Variants in BMPR2 observed in about 807,000 individuals in gnomAD.
BMPR2 encodes the protein bone morphogenetic protein receptor type-2.
BMPR2 carries 29 observed loss-of-function variants against 100.8 expected under a neutral mutation model. That is an observed-to-expected ratio of 0.29 (90% CI 0.21 to 0.39). BMPR2 has a LOEUF of 0.39. Ranked by LOEUF, BMPR2 falls within the 10% of genes least tolerant of loss-of-function variation. The pLI is 1.00. For synonymous variants in BMPR2, 382 were observed against 442.3 expected (o/e 0.86, Z 1.71); for missense variants, 1,011 against 1,274.5 (o/e 0.79, Z 3.15).
intron 3 of BMPR2, among the ~76,000 whole-genome samples, chr2:202,468,638 G>C (rs969407675): frequency 1.3e-5 from 2 of 152,200 alleles, no homozygotes; most frequent in Non-Finnish European, 2.9e-5. Flanking sequence ...GTTTACTGCA[G>C]TGTTATTTGT....
intron 3 of BMPR2, among the ~76,000 whole-genome samples, chr2:202,486,491 G>C (rs1692780026): frequency 6.6e-6 from 1 of 152,038 alleles, no homozygotes; most frequent in Non-Finnish European, 1.5e-5. Flanking sequence ...AACTTAGCCT[G>C]CCTGGTGGTG....
At chr2:202,550,832 A>C (rs2106039986) in intron 10 of BMPR2, among the ~76,000 whole-genome samples, 1 of 152,086 alleles carries the variant, frequency 6.6e-6, no homozygotes. Context: ...GGAGTTACAA[A>C]CCAAAAATAT....
chr2:202,489,347 T>C (rs1692850012), intron 3 of BMPR2, among the ~76,000 whole-genome samples: 1 of 152,104 alleles, frequency 6.6e-6, no homozygotes, highest in Non-Finnish European at 1.5e-5. Flanking sequence ...TTTCAGATTT[T>C]AAAGTAAATG....
chr2:202,487,379 A>G (rs1453736135), intron 3 of BMPR2, among the ~76,000 whole-genome samples: 1 of 152,218 alleles, frequency 6.6e-6, no homozygotes, highest in Admixed American at 6.5e-5. Flanking sequence ...ATCAGAGTTA[A>G]TACTAACAAG....
chr2:202,520,119 A>C lies in BMPR2; in HGVS notation c.885A>C (p.Thr295=). ...TATGCAAGTATTTAAGTCTCCACAC[A>C]AGTGACTGGGTAAGCTCTTGCCGTC... The part of the protein sequence containing the change: ...GSLCKYLSLH[T]SDWVSSCRLA... Residue 295 remains threonine, a synonymous_variant, in exon 7 of 13, where the codon ACA becomes ACC. Transcript: ENST00000374580. 1 of 1,613,452 alleles carries C rather than the reference A, an allele frequency of 6.2e-7. No homozygotes were observed. Among genetic ancestry groups the C allele is most frequent in the Non-Finnish European group, 8.5e-7 (1 of 1,179,900 alleles).
At chr2:202,393,632 A>C (rs1690595551) in intron 1 of BMPR2, among the ~76,000 whole-genome samples, 1 of 152,120 alleles carries the variant, frequency 6.6e-6, no homozygotes. Context: ...CCTTGAGGGT[A>C]CTACTTGAAG....
In BMPR2 at chr2:202,542,461, A is replaced by T; in HGVS notation, c.1413+14A>T. 6.2e-7 allele frequency: 1 copy of T among 1,613,322 alleles called. No homozygotes were observed. On this transcript the variant is annotated intron_variant, in intron 10 of 12. Transcript: ENST00000374580. ...GAAAATAGCCTGGTAAGAAAAAACT[A>T]AGTTATTAAAGAGAGGACTTATGAC...
At chr2:202,467,084 A>C in intron 2 of BMPR2, 1 of 244,042 alleles carries the variant, frequency 4.1e-6, no homozygotes. Context: ...AACATGGAGA[A>C]ACCCCATCTC....
intron 1 of BMPR2, among the ~76,000 whole-genome samples, chr2:202,378,070 T>C (rs1268748667): frequency 6.6e-6 from 1 of 152,198 alleles, no homozygotes; most frequent in Non-Finnish European, 1.5e-5. Flanking sequence ...ATGAATAGAA[T>C]AAATGTTGAG....
chr2:202,428,672 G>T (rs2105929533), intron 1 of BMPR2, among the ~76,000 whole-genome samples: 1 of 152,222 alleles, frequency 6.6e-6, no homozygotes, highest in Non-Finnish European at 1.5e-5. Context: ...CTCCCAAAGT[G>T]TTGGGATTCC....
chr2:202,491,526 C>A (rs1026894154), intron 3 of BMPR2, among the ~76,000 whole-genome samples: 3 of 151,980 alleles, frequency 2.0e-5, no homozygotes, highest in African/African-American at 7.3e-5. Flanking sequence ...CGGGTTCAAG[C>A]AATTCTCTTG....
At chr2:202,467,783 G>A (rs1418797840) in intron 3 of BMPR2, 94 bp downstream of exon 3, 4 of 1,317,556 alleles carry the variant, frequency 3.0e-6, no homozygotes, top group Non-Finnish European at 4.3e-6. Flanking sequence ...TTGAAGCCAG[G>A]CGTGATGGCT....
chr2:202,472,611 A>G (rs2105966361), intron 3 of BMPR2, among the ~76,000 whole-genome samples: 1 of 152,364 alleles, frequency 6.6e-6, no homozygotes, highest in African/African-American at 2.4e-5. Context: ...GTGAGCCGAG[A>G]TTGCACCACT....
At position 202,503,990 on chromosome 2, in the gene BMPR2, C is replaced by G. The variant is rs2105993676; in HGVS notation, c.419-9729C>G. Among the ~76,000 whole-genome samples the G allele has an allele frequency of 6.6e-6, 1 of 152,276 alleles. No homozygotes were observed. Among genetic ancestry groups the G allele is most frequent in the East Asian group, 1.9e-4 (1 of 5,170 alleles). On this transcript the variant is annotated intron_variant, in intron 3 of 12. Transcript: ENST00000374580. The surrounding 1 kb of genome is among the most constrained non-coding windows in gnomAD (Gnocchi z 4.0). ...GAATGCACCAGTAGACACTCTGTAT[C>G]TAGCTACTCTGGTGGGGCCTTATAG...
intron 3 of BMPR2, among the ~76,000 whole-genome samples, chr2:202,492,647 C>T (rs889387559): frequency 7.2e-5 from 9 of 125,256 alleles, no homozygotes; most frequent in Admixed American, 6.3e-4. Context: ...TTGCAGTAAA[C>T]AGAGATCCCG....
intron 1 of BMPR2, among the ~76,000 whole-genome samples, chr2:202,396,481 G>A (rs1328120372): frequency 1.3e-5 from 2 of 152,136 alleles, no homozygotes; most frequent in Non-Finnish European, 2.9e-5. Flanking sequence ...GTTTAGGGTT[G>A]CATTTACCAG....
At chr2:202,449,906 G>A (rs1225559858) in intron 1 of BMPR2, among the ~76,000 whole-genome samples, 3 of 152,004 alleles carry the variant, frequency 2.0e-5, no homozygotes, top group African/African-American at 7.3e-5. Context: ...AGGAGTTCGA[G>A]ACCAGTCTGG....
Position 202,407,461 on chromosome 2 carries a change from C to T in BMPR2, c.76+29911C>T, listed in dbSNP as rs761096499. Among the ~76,000 whole-genome samples the T allele has an allele frequency of 4.6e-5, 7 of 152,030 alleles. 1 individual carries two copies. The highest frequency in any genetic ancestry group is 8.8e-5 in the Non-Finnish European group (6 of 68,002). ...TGGTTATCATAAATTTTGGTGTGAT[C>T]AGGTACTGCTCCTTAATAATACTGT... is the stretch of plus-strand genomic sequence containing the variant. On this transcript the variant is annotated intron_variant, in intron 1 of 12. Coordinates refer to ENST00000374580, the MANE Select transcript of BMPR2 (RefSeq NM_001204.7).
intron 1 of BMPR2, among the ~76,000 whole-genome samples, chr2:202,385,488 C>T (rs1690408707): frequency 6.6e-6 from 1 of 150,614 alleles, no homozygotes; most frequent in Admixed American, 6.6e-5. Flanking sequence ...GCCTCAGCCG[C>T]CCGAGTAGCT....
Sources: allele counts gnomAD v4.1 joint callset (sites outside exome capture counted in the v4.1 genomes callset), GRCh38; gene constraint gnomAD v4.1.1; non-coding constraint Gnocchi (gnomAD v3.1); transcripts MANE v1.5; gene names NCBI Gene and HGNC (gene_info 2026-07-23, HGNC 2026-07-21).